IL1RAPL2: variants seen among roughly 807,000 people sequenced by gnomAD.
IL1RAPL2 encodes X-linked interleukin-1 receptor accessory protein-like 2.
IL1RAPL2 carries 3 observed loss-of-function variants against 44.1 expected under a neutral mutation model. The observed-to-expected ratio is 0.07, with a 90% CI of 0.03 to 0.18. The LOEUF is 0.18. Among genes scored for constraint, IL1RAPL2 ranks in the 10% least tolerant of loss-of-function variants. IL1RAPL2 has a pLI of 1.00. For missense variants in IL1RAPL2, 391 were observed against 496.4 expected, an observed-to-expected ratio of 0.79 and a Z score of 2.02; for synonymous variants, 181 against 178.8, an observed-to-expected ratio of 1.01 and a Z score of -0.10.
chrX:104,744,126 G>C (rs1189919732), intron 2 of IL1RAPL2, among the ~76,000 whole-genome samples: 4 of 110,539 alleles, frequency 3.6e-5, no homozygotes, highest in Admixed American at 9.7e-5. Flanking sequence ...GGTGTCAGGA[G>C]GTAGGAAAGG....
At chrX:105,219,871 C>A in intron 3 of IL1RAPL2, 1 of 1,076,352 alleles carries the variant, frequency 9.3e-7, no homozygotes, top group Non-Finnish European at 1.2e-6. Flanking sequence ...AGCCATGGAG[C>A]AGGGTGGAGA....
chrX:104,857,600 G>C (rs867335166), intron 2 of IL1RAPL2, among the ~76,000 whole-genome samples: 1 of 111,794 alleles, frequency 8.9e-6, no homozygotes, highest in Middle Eastern at 4.6e-3. Context: ...CTGGAAAGTA[G>C]TATTGTGTGT....
At chrX:105,478,819 T>C in intron 5 of IL1RAPL2, among the ~76,000 whole-genome samples, 1 of 112,130 alleles carries the variant, frequency 8.9e-6, no homozygotes, top group Non-Finnish European at 1.9e-5. Context: ...ACCGGGAAGT[T>C]AATTTGGAGA....
At position 105,116,164 on chromosome X, in the gene IL1RAPL2, G is replaced by A. The variant is rs1488889534; in HGVS notation, c.83-79311G>A. On this transcript the variant is annotated intron_variant, in intron 2 of 10. Transcript: ENST00000372582. Reference sequence around the variant, plus strand: ...CCCAGGAAGGGGCTCCCACAGTGCAGCCGCGGGCTGAAGGGCTCCTCAAGC... The same window carrying A: ...CCCAGGAAGGGGCTCCCACAGTGCAACCGCGGGCTGAAGGGCTCCTCAAGC... 4.4e-5 allele frequency among the ~76,000 whole-genome samples: 5 copies of A among 112,702 alleles called. No individual in the cohort carries two copies. In the Admixed American group the frequency reaches 4.6e-4, roughly 10 times the overall value.
chrX:104,659,655 A>G (rs1297639586), intron 2 of IL1RAPL2, among the ~76,000 whole-genome samples: 1 of 112,314 alleles, frequency 8.9e-6, no homozygotes, highest in Non-Finnish European at 1.9e-5. Flanking sequence ...AGCTGTAATT[A>G]CAAACTTTGC....
intron 2 of IL1RAPL2, among the ~76,000 whole-genome samples, chrX:105,078,957 A>G (rs762440835): frequency 8.9e-6 from 1 of 112,236 alleles, no homozygotes; most frequent in East Asian, 2.8e-4. Context: ...AGGAAAGGGA[A>G]TTCCCTGACC....
chrX:104,837,880 A>T (rs1286275630), intron 2 of IL1RAPL2, among the ~76,000 whole-genome samples: 6 of 112,024 alleles, frequency 5.4e-5, no homozygotes. Context: ...TCAAGTCCTT[A>T]ACCCATCTTG....
intron 2 of IL1RAPL2, among the ~76,000 whole-genome samples, chrX:104,675,847 T>C (rs1406258494): frequency 2.7e-5 from 3 of 109,169 alleles, no homozygotes; most frequent in Non-Finnish European, 5.7e-5. Flanking sequence ...CCTTTACCAT[T>C]ATGTAATGGC....
chrX:105,497,450 A>G (rs1202616892), intron 6 of IL1RAPL2, among the ~76,000 whole-genome samples: 1 of 111,739 alleles, frequency 8.9e-6, no homozygotes, highest in Admixed American at 9.5e-5. Flanking sequence ...TAATTCTACT[A>G]AGAACTAATT....
chrX:104,921,362 C>T (rs1924634636), intron 2 of IL1RAPL2, among the ~76,000 whole-genome samples: 1 of 111,107 alleles, frequency 9.0e-6, no homozygotes, highest in African/African-American at 3.3e-5. Context: ...CTGCCATTGC[C>T]ATGGGGCTGA....
intron 2 of IL1RAPL2, among the ~76,000 whole-genome samples, chrX:104,987,052 G>C (rs1298737452): frequency 8.9e-6 from 1 of 111,965 alleles, no homozygotes; most frequent in Admixed American, 9.5e-5. Context: ...CTTGAATAGA[G>C]GCCTTGTTAC....
intron 3 of IL1RAPL2, among the ~76,000 whole-genome samples, chrX:105,221,380 G>A (rs782755100): frequency 2.9e-5 from 3 of 102,407 alleles, no homozygotes; most frequent in East Asian, 3.2e-4. Context: ...GTTAGACAAC[G>A]TTAACAGTTT....
chrX:105,132,993 T>C, intron 2 of IL1RAPL2, among the ~76,000 whole-genome samples: 1 of 112,206 alleles, frequency 8.9e-6, no homozygotes, highest in East Asian at 2.8e-4. Flanking sequence ...TCAATAAAAA[T>C]GTTTCTATGA....
At chrX:105,211,550 A>G (rs1326541522) in intron 3 of IL1RAPL2, among the ~76,000 whole-genome samples, 1 of 111,253 alleles carries the variant, frequency 9.0e-6, no homozygotes, top group Non-Finnish European at 1.9e-5. Flanking sequence ...GACTCCTGGA[A>G]TGCAGGAATC....
chrX:104,637,225 G>A (rs1371809663), intron 1 of IL1RAPL2, among the ~76,000 whole-genome samples: 1 of 110,822 alleles, frequency 9.0e-6, no homozygotes, highest in African/African-American at 3.3e-5. Flanking sequence ...ATAGTTTTTT[G>A]GTAGAGTCTT....
chrX:104,585,213 C>T (rs1928485799), intron 1 of IL1RAPL2, among the ~76,000 whole-genome samples: 44 of 52,046 alleles, frequency 8.5e-4, no homozygotes, highest in African/African-American at 4.4e-3. Context: ...TATATATACA[C>T]ATATATGTAT....
At chrX:105,030,559 T>C (rs1029394709) in intron 2 of IL1RAPL2, among the ~76,000 whole-genome samples, 2 of 111,898 alleles carry the variant, frequency 1.8e-5, no homozygotes, top group South Asian at 3.7e-4. Flanking sequence ...TGGTTGTAGA[T>C]ATGCACCATT....
chrX:105,453,879 C>T (rs1232651441), intron 5 of IL1RAPL2, among the ~76,000 whole-genome samples: 1 of 111,873 alleles, frequency 8.9e-6, no homozygotes, highest in African/African-American at 3.3e-5. Context: ...ATAAACTATA[C>T]ATCCAGGAGA....
chrX:105,432,794 A>G lies in IL1RAPL2; in HGVS notation c.698-51519A>G, dbSNP rs138069502. On this transcript the variant is annotated intron_variant, in intron 5 of 10. Coordinates refer to ENST00000372582, the MANE Select transcript of IL1RAPL2 (RefSeq NM_017416.2). ...GTGCCAGCCAGGCCTTAGAAAATCT[A>G]CTTACCATACCCAGGGAACCCATTG... 5.4e-3 allele frequency among the ~76,000 whole-genome samples: 605 copies of G among 111,338 alleles called. 5 individuals are homozygous for G. The highest frequency in any genetic ancestry group is 0.018 in the African/African-American group (563 of 30,723).
Sources: gnomAD v4.1 joint callset for allele counts (sites outside exome capture counted in the v4.1 genomes callset) on GRCh38, gnomAD v4.1.1 for gene constraint, MANE v1.5 for transcripts, NCBI Gene and HGNC (gene_info 2026-07-23, HGNC 2026-07-21) for gene names.